AP2A2: variants seen among roughly 807,000 people sequenced by gnomAD.
AP2A2 encodes AP-2 complex subunit alpha-2.
Under a neutral mutation model 104.2 loss-of-function variants are expected in AP2A2, and 32 were observed. The ratio of observed to expected loss-of-function variants is 0.31; its 90% CI spans 0.23 to 0.41. The LOEUF is 0.41. Among genes scored for constraint, AP2A2 ranks in the 10% least tolerant of loss-of-function variants. The pLI, the probability that AP2A2 is intolerant of heterozygous loss-of-function variation, is 1.00. For missense variants in AP2A2, 912 were observed against 1,261.0 expected, an observed-to-expected ratio of 0.72 and a Z score of 4.19; for synonymous variants, 539 against 533.3, an observed-to-expected ratio of 1.01 and a Z score of -0.15.
chr11:929,882 G>A (rs2076196185), intron 1 of AP2A2, among the ~76,000 whole-genome samples: 1 of 152,108 alleles, frequency 6.6e-6, no homozygotes, highest in African/African-American at 2.4e-5. Flanking sequence ...AGCACTTTGG[G>A]AGGCTGAGGT....
At chr11:945,748 C>T (rs1853810255) in intron 1 of AP2A2, among the ~76,000 whole-genome samples, 1 of 152,102 alleles carries the variant, frequency 6.6e-6, no homozygotes, top group Non-Finnish European at 1.5e-5. Flanking sequence ...TTCAGGAGTT[C>T]AAGACCAGTG....
In AP2A2 at chr11:1,011,024, C is replaced by T. The variant is rs764326822; in HGVS notation, c.*399C>T. 7 of 668,884 alleles carry T rather than the reference C, an allele frequency of 1.0e-5. No individual in the cohort carries two copies. The highest frequency in any genetic ancestry group is 3.7e-5 in the Admixed American group (2 of 54,328). 41.4% of individuals were successfully genotyped at this position (668,884 alleles called of 1,614,324 possible). ...GGAGCAGCAGTGCCACTGTGCATGG[C>T]GTGGGCTGAGCCTTGGTGTGTGGCC... On this transcript the variant is annotated 3_prime_UTR_variant, in exon 22 of 22. Coordinates refer to ENST00000448903, the MANE Select transcript of AP2A2 (RefSeq NM_012305.4).
intron 1 of AP2A2, among the ~76,000 whole-genome samples, chr11:937,431 G>T (rs1309052284): frequency 6.6e-6 from 1 of 152,116 alleles, no homozygotes. Flanking sequence ...AGCACACTTT[G>T]AACAGTATCT....
chr11:993,985 G>C lies in AP2A2; in HGVS notation c.1782G>C (p.Leu594=). Residue 594 remains leucine (L), a splice_region_variant and synonymous_variant, in exon 13 of 22, where the codon CTG becomes CTC. Transcript: ENST00000448903. The surrounding 1 kb of genome is among the most constrained non-coding windows in gnomAD (Gnocchi z 8.2). The stretch of plus-strand genomic sequence containing the variant: ...GCACCGTGGCCAGCACCGACATTCT[G>C]GTAGGAGGCCCCCGCCCTTCGGGCT... ...RLSTVASTDI[L]ATVLEEMPPF... is the part of the protein sequence containing the mutation. 6.2e-7 allele frequency: 1 copy of C among 1,610,486 alleles called. No individual in the cohort carries two copies. The highest frequency in any genetic ancestry group is 8.5e-7 in the Non-Finnish European group (1 of 1,177,912).
intron 13 of AP2A2, 32 bp downstream of exon 13, chr11:994,017 G>A (rs1318228348): frequency 1.2e-6 from 2 of 1,609,240 alleles, no homozygotes; most frequent in Admixed American, 3.3e-5. Flanking sequence ...GGCTGGCTTG[G>A]CTGAGGGTTG....
chr11:994,321 C>T (rs1302251919), intron 14 of AP2A2, 76 bp downstream of exon 14: 7 of 1,559,058 alleles, frequency 4.5e-6, no homozygotes, highest in Non-Finnish European at 5.2e-6. Flanking sequence ...AGAGCATTTG[C>T]CTGTCAGGGA....
At chr11:988,428 C>G in intron 9 of AP2A2, 124 bp from the exon 10 acceptor site, 1 of 1,273,706 alleles carries the variant, frequency 7.9e-7, no homozygotes, top group South Asian at 1.3e-5. Context: ...CTCCCTGGAC[C>G]TGGATGTGCA....
At chr11:940,556 T>C (rs977378752) in intron 1 of AP2A2, among the ~76,000 whole-genome samples, 6 of 152,248 alleles carry the variant, frequency 3.9e-5, no homozygotes, top group African/African-American at 1.4e-4. Context: ...GCTTGAGAGC[T>C]TTCTCATGAC....
intron 2 of AP2A2, among the ~76,000 whole-genome samples, chr11:962,610 A>G (rs922710997): frequency 1.8e-4 from 27 of 151,954 alleles, no homozygotes; most frequent in African/African-American, 6.5e-4. Flanking sequence ...GCGCGTGCCT[A>G]TAGTCCCAGC....
intron 19 of AP2A2, 22 bp downstream of exon 19, chr11:1,009,238 G>A (rs767390904): frequency 6.2e-7 from 1 of 1,611,220 alleles, no homozygotes; most frequent in Admixed American, 1.7e-5. Context: ...GTTTCCTGTA[G>A]GGGTCAGGGG....
intron 1 of AP2A2, among the ~76,000 whole-genome samples, chr11:929,819 T>A (rs2134447934): frequency 6.6e-6 from 1 of 151,720 alleles, no homozygotes; most frequent in Non-Finnish European, 1.5e-5. Context: ...AAAAAGTTTT[T>A]CCCCTCCAAG....
Position 970,149 on chromosome 11 carries a change from C to T in AP2A2, c.137-20C>T. On this transcript the variant is annotated intron_variant, in intron 2 of 21. Transcript: ENST00000448903. Reference sequence around the variant, plus strand: ...CCTCTGCCCGCCTGGAATAAAACCTCTTCCCCACCTTTTCTGTAGGTGACA... The same window carrying T: ...CCTCTGCCCGCCTGGAATAAAACCTTTTCCCCACCTTTTCTGTAGGTGACA... 6.2e-7 allele frequency: 1 copy of T among 1,613,308 alleles called. No individual in the cohort carries two copies. Among genetic ancestry groups the T allele is most frequent in the South Asian group, 1.1e-5 (1 of 90,964 alleles).
chr11:1,008,228 AGGGGACCCG>A lies in AP2A2; in HGVS notation c.2420+97_2420+105del, dbSNP rs1856276857. 2.7e-6 allele frequency: 4 copies of A among 1,463,492 alleles called. No homozygotes were observed. The South Asian group carries it at 5.6e-5, about 20-fold the overall frequency. The allele number at this position is 1,463,492 out of a possible 1,614,324, so 90.7% of individuals were successfully genotyped here. Reference sequence around the variant, plus strand: ...TGACTGTGCCTCCGTGTCCTTCCTGAGGGGACCCGGGGCGTGCGGGTGCTCACGGTGCAT... The same window carrying A: ...TGACTGTGCCTCCGTGTCCTTCCTGAGGGCGTGCGGGTGCTCACGGTGCAT... On this transcript the variant is annotated intron_variant, in intron 18 of 21. Coordinates refer to ENST00000448903, the MANE Select transcript of AP2A2 (RefSeq NM_012305.4).
rs1294372660 is a variant in AP2A2 at position 959,290 on chromosome 11, TGGA to T, written c.68-144_68-142del. ...CAGCCCCTTCCTGCCGGCTCTGGGT[TGGA>T]GGCAGGTGTCTGCTTCGGCTTTTCT... On this transcript the variant is annotated intron_variant, in intron 1 of 21. Transcript: ENST00000448903. 6 of 638,344 alleles carry T rather than the reference TGGA, an allele frequency of 9.4e-6. No homozygotes were observed. In the East Asian group the frequency reaches 1.7e-4, roughly 18 times the overall value. 39.5% of individuals were successfully genotyped at this position (638,344 alleles called of 1,614,324 possible).
At chr11:964,505 TG>T (rs1157383361) in intron 2 of AP2A2, among the ~76,000 whole-genome samples, 1 of 152,114 alleles carries the variant, frequency 6.6e-6, no homozygotes, top group Non-Finnish European at 1.5e-5. Flanking sequence ...TAGGGGAATC[TG>T]GTTGGCCTCA....
intron 1 of AP2A2, among the ~76,000 whole-genome samples, chr11:947,585 T>C (rs12798036): frequency 0.58 from 88,415 of 151,438 alleles, 26,532 homozygotes; most frequent in Middle Eastern, 0.73. Context: ...CACTTGAGGT[T>C]GGGAGTTCGA....
In AP2A2 at chr11:968,759, G is replaced by A. The variant is rs1854712259; in HGVS notation, c.137-1410G>A. ...AGAACGTGTCTGCTGGGACCCCTTGGGCACAGCAAGCAGATAAGTGGGTCG... is the reference window on the plus strand; with the variant it reads ...AGAACGTGTCTGCTGGGACCCCTTGAGCACAGCAAGCAGATAAGTGGGTCG... On this transcript the variant is annotated intron_variant, in intron 2 of 21. Transcript: ENST00000448903. The surrounding 1 kb of genome is among the most constrained non-coding windows in gnomAD (Gnocchi z 4.2). Among the ~76,000 whole-genome samples, 1 of 151,618 alleles carries A rather than the reference G, an allele frequency of 6.6e-6. No individual in the cohort carries two copies. Among genetic ancestry groups the A allele is most frequent in the African/African-American group, 2.4e-5 (1 of 41,280 alleles).
chr11:940,501 T>C (rs191345421), intron 1 of AP2A2, among the ~76,000 whole-genome samples: 2 of 152,252 alleles, frequency 1.3e-5, no homozygotes, highest in African/African-American at 4.8e-5. Flanking sequence ...AAGTTTGTCC[T>C]CTAGCCCTTG....
At chr11:951,033 A>C (rs1854034831) in intron 1 of AP2A2, among the ~76,000 whole-genome samples, 1 of 151,972 alleles carries the variant, frequency 6.6e-6, no homozygotes, top group South Asian at 2.1e-4. Flanking sequence ...CGGATGTTGC[A>C]GTGAGCCGAG....
Sources: gnomAD v4.1 joint callset for allele counts (sites outside exome capture counted in the v4.1 genomes callset) on GRCh38, gnomAD v4.1.1 for gene constraint, Gnocchi (gnomAD v3.1) non-coding constraint, MANE v1.5 for transcripts, NCBI Gene and HGNC (gene_info 2026-07-23, HGNC 2026-07-21) for gene names.